Variants in CEP83 observed in about 807,000 individuals in gnomAD.
The protein encoded by CEP83 is centrosomal protein of 83 kDa.
In CEP83, 70 loss-of-function variants were observed where a neutral mutation model predicts 101.9. The observed-to-expected ratio is 0.69, with a 90% CI of 0.57 to 0.84. CEP83 has a LOEUF of 0.84. CEP83 is among the 40% of genes least tolerant of loss of function. The pLI is 0.00. For missense variants in CEP83, 715 were observed against 787.2 expected, an observed-to-expected ratio of 0.91 and a Z score of 1.10; for synonymous variants, 264 against 267.9, an observed-to-expected ratio of 0.99 and a Z score of 0.14.
chr12:94,340,454 T>A (rs905327501), intron 11 of CEP83, among the ~76,000 whole-genome samples: 86 of 147,228 alleles, frequency 5.8e-4, no homozygotes, highest in African/African-American at 1.9e-3. Context: ...TTTTTTTTTT[T>A]AAGACAGAGT....
chr12:94,355,270 G>A (rs537664516), intron 11 of CEP83, among the ~76,000 whole-genome samples: 508 of 152,240 alleles, frequency 3.3e-3, no homozygotes, highest in Non-Finnish European at 4.7e-3. Flanking sequence ...AAGGCGGGTG[G>A]ATCACGAGGT....
the CEP83 span, among the ~76,000 whole-genome samples, chr12:94,295,886 T>C: frequency 3.3e-5 from 5 of 152,212 alleles, no homozygotes; most frequent in African/African-American, 1.2e-4. Context: ...TCTCAGCAGA[T>C]GACTTCACCC....
the CEP83 span, among the ~76,000 whole-genome samples, chr12:94,296,659 C>CTCTA: frequency 2.6e-5 from 4 of 152,352 alleles, no homozygotes; most frequent in East Asian, 7.7e-4. Context: ...GCCTAGCTGA[C>CTCTA]TCTATCTCTT....
At chr12:94,428,497 CTA>C (rs1298008973) in intron 2 of CEP83, among the ~76,000 whole-genome samples, 2 of 152,136 alleles carry the variant, frequency 1.3e-5, no homozygotes, top group African/African-American at 2.4e-5. Context: ...AATTTTACTT[CTA>C]TGAGATTTAT....
chr12:94,441,890 G>A (rs2066427901), intron 1 of CEP83, among the ~76,000 whole-genome samples: 1 of 148,538 alleles, frequency 6.7e-6, no homozygotes. Context: ...ACTCCAGCCT[G>A]GGCGACAGAG....
At chr12:94,340,645 C>T (rs946812479) in intron 11 of CEP83, among the ~76,000 whole-genome samples, 3 of 152,150 alleles carry the variant, frequency 2.0e-5, no homozygotes, top group Admixed American at 6.5e-5. Context: ...CCAAGTTGGC[C>T]AGGCTGGTCT....
intron 2 of CEP83, among the ~76,000 whole-genome samples, chr12:94,412,946 G>A (rs1169233419): frequency 3.3e-5 from 5 of 151,334 alleles, no homozygotes; most frequent in South Asian, 2.1e-4. Context: ...TCCGCCTCCC[G>A]GGTTCACGCC....
chr12:94,290,080 C>T, the CEP83 span, among the ~76,000 whole-genome samples: 1 of 152,188 alleles, frequency 6.6e-6, no homozygotes, highest in African/African-American at 2.4e-5. Context: ...TAAGGGTGCT[C>T]GCTTTTGGCA....
chr12:94,449,530 T>C (rs1194118758), intron 1 of CEP83, among the ~76,000 whole-genome samples: 1 of 146,770 alleles, frequency 6.8e-6, no homozygotes, highest in East Asian at 2.0e-4. Flanking sequence ...GCCACGCAGG[T>C]AAATCGCTTG....
chr12:94,425,937 A>C (rs949193671), intron 2 of CEP83, among the ~76,000 whole-genome samples: 1 of 151,972 alleles, frequency 6.6e-6, no homozygotes, highest in African/African-American at 2.4e-5. Context: ...TGGCTAACAC[A>C]GTGAAACCCC....
Position 94,377,139 on chromosome 12 carries a change from G to A in CEP83, c.802-1122C>T, listed in dbSNP as rs544476950. On this transcript the variant is annotated intron_variant, in intron 7 of 16. Coordinates refer to ENST00000397809, the MANE Select transcript of CEP83 (RefSeq NM_016122.3). ...ATATAGATGCTGTTCGACTTATGAT[G>A]GGGTTACATCCTGATAAACCCATCA... 5.5e-4 allele frequency among the ~76,000 whole-genome samples: 83 copies of A among 152,182 alleles called. 1 individual carries two copies. Among genetic ancestry groups the A allele is most frequent in the African/African-American group, 1.6e-3 (65 of 41,514 alleles).
intron 11 of CEP83, 181 bp from the exon 12 acceptor site, chr12:94,335,845 C>T: frequency 1.8e-6 from 1 of 550,274 alleles, no homozygotes. Flanking sequence ...CAAATTACTG[C>T]TATTGTGATA....
intron 2 of CEP83, among the ~76,000 whole-genome samples, chr12:94,428,401 A>G (rs1457918834): frequency 6.6e-6 from 1 of 152,244 alleles, no homozygotes; most frequent in Non-Finnish European, 1.5e-5. Context: ...AAGGCTACCC[A>G]TAATATGGCT....
At chr12:94,437,173 A>G (rs7979582) in intron 1 of CEP83, among the ~76,000 whole-genome samples, 111,876 of 151,248 alleles carry the variant, frequency 0.74, 42,777 homozygotes, top group East Asian at 0.95. Context: ...GTGAAACCCC[A>G]ACTAAACTAA....
At chr12:94,379,359 T>C (rs1175437396) in intron 6 of CEP83, among the ~76,000 whole-genome samples, 2 of 152,152 alleles carry the variant, frequency 1.3e-5, no homozygotes, top group Non-Finnish European at 2.9e-5. Context: ...AAATTCATCA[T>C]AACATTATAG....
At chr12:94,275,724 G>A in the CEP83 span, among the ~76,000 whole-genome samples, 33 of 128,756 alleles carry the variant, frequency 2.6e-4, 5 homozygotes, top group Middle Eastern at 7.8e-3. Context: ...GCGTAGTGGC[G>A]GGCGCCTGTA....
At chr12:94,410,209 C>A (rs906661394) in intron 4 of CEP83, among the ~76,000 whole-genome samples, 1 of 152,098 alleles carries the variant, frequency 6.6e-6, no homozygotes, top group Non-Finnish European at 1.5e-5. Context: ...TGAAGACACA[C>A]TGAAAAAAAG....
Position 94,308,029 on chromosome 12 carries a change from ATG to A in CEP83, c.*782_*783del, listed in dbSNP as rs936670379. The A allele has an allele frequency of 1.4e-4, 22 of 152,192 alleles. No homozygotes were observed. The highest frequency in any genetic ancestry group is 5.3e-4 in the African/African-American group (22 of 41,442). 9.4% of individuals were successfully genotyped at this position (152,192 alleles called of 1,614,324 possible). On this transcript the variant is annotated 3_prime_UTR_variant, in exon 17 of 17. Transcript: ENST00000397809. ...TTCCAATGGGTGTAGACCAAAAAAA[ATG>A]AGAGCATACTTAGGGACACAAAACA...
At chr12:94,434,730 A>C (rs75840185) in intron 2 of CEP83, among the ~76,000 whole-genome samples, 1 of 152,198 alleles carries the variant, frequency 6.6e-6, no homozygotes, top group African/African-American at 2.4e-5. Context: ...GATGGGACGC[A>C]AGTCTAAACA....
Sources: allele counts gnomAD v4.1 joint callset (sites outside exome capture counted in the v4.1 genomes callset), GRCh38; gene constraint gnomAD v4.1.1; transcripts MANE v1.5; gene names NCBI Gene and HGNC (gene_info 2026-07-23, HGNC 2026-07-21).